Variants in NCOR2 observed in about 807,000 individuals in gnomAD.
NCOR2 encodes nuclear receptor corepressor 2, also known as CTG repeat protein 26.
Under a neutral mutation model 262.9 loss-of-function variants are expected in NCOR2, and 81 were observed. That is an observed-to-expected ratio of 0.31 (90% CI 0.26 to 0.37). The LOEUF (loss-of-function observed/expected upper bound fraction) is 0.37, where lower values mean the gene tolerates loss of function less well. Ranked by LOEUF, NCOR2 falls within the 10% of genes least tolerant of loss-of-function variation. The pLI is 1.00. For synonymous variants in NCOR2, 1,659 were observed against 1,559.3 expected (o/e 1.06, Z -1.51); for missense variants, 3,385 against 3,621.4 (o/e 0.93, Z 1.68).
chr12:124,487,996 C>T (rs918287444), intron 1 of NCOR2, among the ~76,000 whole-genome samples: 3 of 151,994 alleles, frequency 2.0e-5, no homozygotes, highest in African/African-American at 2.4e-5. Context: ...AGGCTGTTTG[C>T]GGCAATCAGT....
chr12:124,437,636 G>A (rs956013671), intron 8 of NCOR2, among the ~76,000 whole-genome samples: 1 of 152,168 alleles, frequency 6.6e-6, no homozygotes, highest in African/African-American at 2.4e-5. Flanking sequence ...CCCAGGACAG[G>A]TCCCGTGACC....
chr12:124,446,023 T>A (rs2045145607), intron 7 of NCOR2, among the ~76,000 whole-genome samples: 1 of 152,228 alleles, frequency 6.6e-6, no homozygotes, highest in Non-Finnish European at 1.5e-5. Flanking sequence ...TCCAGCCACA[T>A]GGTGGGACGG....
At chr12:124,547,549 T>C (rs1215726905) in intron 1 of NCOR2, among the ~76,000 whole-genome samples, 1 of 152,214 alleles carries the variant, frequency 6.6e-6, no homozygotes, top group African/African-American at 2.4e-5. Flanking sequence ...CACTATAAAG[T>C]AGGCAGCTCT....
intron 1 of NCOR2, among the ~76,000 whole-genome samples, chr12:124,554,038 C>T (rs946873975): frequency 6.6e-6 from 1 of 152,218 alleles, no homozygotes; most frequent in Non-Finnish European, 1.5e-5. Flanking sequence ...TCACAAACCC[C>T]CACTCAGGAG....
intron 44 of NCOR2, 146 bp from the exon 47 acceptor site, chr12:124,327,779 G>C: frequency 1.6e-6 from 1 of 622,992 alleles, no homozygotes; most frequent in East Asian, 2.8e-5. Context: ...GCACATTTCG[G>C]CAAAGCAACA....
Position 124,364,109 on chromosome 12 carries a change from G to T in NCOR2, c.2808-310C>A, listed in dbSNP as rs138205889. 1.4e-4 allele frequency among the ~76,000 whole-genome samples: 22 copies of T among 152,298 alleles called. No individual in the cohort carries two copies. The East Asian group carries it at 3.7e-3, about 25-fold the overall frequency. ...TCCCACCCCAGCCTAGAGGCCAGCCGGGCAGTGCTAGAGGCCCAGGCTGGG... is the reference window on the plus strand; with the variant it reads ...TCCCACCCCAGCCTAGAGGCCAGCCTGGCAGTGCTAGAGGCCCAGGCTGGG... On this transcript the variant is annotated intron_variant, in intron 20 of 46. Transcript: ENST00000405201.
chr12:124,346,541 G>A (rs770686143), intron 31 of NCOR2, 23 bp downstream of exon 33: 48 of 1,494,494 alleles, frequency 3.2e-5, no homozygotes, highest in Middle Eastern at 2.4e-4. Flanking sequence ...AACTGGGCCC[G>A]TGTGCCTGGC....
chr12:124,439,317 AGAGACAGAGG>A (rs1565945622), intron 7 of NCOR2, among the ~76,000 whole-genome samples: 5,746 of 80,840 alleles, frequency 0.071, 1 homozygote, highest in Admixed American at 0.1. Flanking sequence ...ACAGAGACCC[AGAGACAGAGG>A]GAGAGACAGA....
At position 124,344,735 on chromosome 12, in the gene NCOR2, C is replaced by T. The variant is rs988342697; in HGVS notation, c.4576G>A (p.Ala1526Thr). Residue 1526 changes from alanine (A) to threonine (T), a missense_variant, in exon 32 of 47, where the codon GCC becomes ACC. By Grantham distance (58) the Ala-to-Thr change is moderately conservative. Coordinates refer to ENST00000405201, the Ensembl canonical transcript of NCOR2. ...CCCAGCTCAGGCACAATGACCGGGG[C>T]GCCGCGCGCAATGGAGCCCCCCGAG... 80 of 1,543,752 alleles carry T rather than the reference C, an allele frequency of 5.2e-5. No homozygotes were observed. The highest frequency in any genetic ancestry group is 2.2e-4 in the Admixed American group (11 of 50,846).
At chr12:124,343,844 T>G (rs1286568477) in intron 32 of NCOR2, among the ~76,000 whole-genome samples, 1 of 152,126 alleles carries the variant, frequency 6.6e-6, no homozygotes, top group Non-Finnish European at 1.5e-5. Flanking sequence ...ACCAGGCTGG[T>G]CTTGAACTCC....
chr12:124,382,409 C>T (rs570517418), intron 17 of NCOR2, among the ~76,000 whole-genome samples: 32 of 152,302 alleles, frequency 2.1e-4, no homozygotes, highest in African/African-American at 7.5e-4. Context: ...ACCCCACACT[C>T]CCAAATCACT....
chr12:124,356,832 G>C, intron 22 of NCOR2, 50 bp from the exon 25 acceptor site: 2 of 1,428,190 alleles, frequency 1.4e-6, no homozygotes, highest in Non-Finnish European at 1.8e-6. Context: ...GGGGCAGTCA[G>C]ACCTCGGGAG....
intron 9 of NCOR2, among the ~76,000 whole-genome samples, chr12:124,430,394 T>C (rs1244095): frequency 1 from 151,803 of 152,338 alleles, 75,641 homozygotes; most frequent in East Asian, 1. Flanking sequence ...CTATGGCACA[T>C]GGGAAGAAGT....
intron 20 of NCOR2, among the ~76,000 whole-genome samples, chr12:124,371,545 C>T (rs1032750689): frequency 3.9e-5 from 6 of 152,212 alleles, no homozygotes; most frequent in Non-Finnish European, 7.3e-5. Flanking sequence ...GAGCCAAAGA[C>T]GGAGTGGCAT....
At position 124,509,114 on chromosome 12, in the gene NCOR2, C is replaced by G. The variant is rs1198926204; in HGVS notation, c.-117-13746G>C. On this transcript the variant is annotated intron_variant, in intron 1 of 46. Transcript: ENST00000404621. The stretch of plus-strand genomic sequence containing the variant: ...GCAAGACACAGTGTCTCTGCCCACC[C>G]GGCCCCACTCCGTGCATGCCACACC... 3.9e-5 allele frequency among the ~76,000 whole-genome samples: 6 copies of G among 152,218 alleles called. 1 individual carries two copies. The South Asian group carries it at 1.2e-3, about 32-fold the overall frequency.
At chr12:124,426,042 G>C (rs1593481375) in intron 11 of NCOR2, among the ~76,000 whole-genome samples, 5 of 152,220 alleles carry the variant, frequency 3.3e-5, no homozygotes, top group Admixed American at 3.3e-4. Context: ...CTGCCGCCCT[G>C]CCCAAGGCTG....
At chr12:124,409,160 G>A (rs2042432725) in intron 13 of NCOR2, among the ~76,000 whole-genome samples, 1 of 152,226 alleles carries the variant, frequency 6.6e-6, no homozygotes, top group African/African-American at 2.4e-5. Context: ...GATGTGTGCT[G>A]TGCCAGCCGA....
rs1271075120 is a variant in NCOR2 at position 124,504,530 on chromosome 12, G to C, written c.-117-9162C>G. ...CCATGACCCAGCGATGCCACTCCTA[G>C]CTACACATCCCCAAGGAACGGAAAA... On this transcript the variant is annotated intron_variant, in intron 1 of 46. Transcript: ENST00000404621. This position sits in a 1 kb window ranked among gnomAD's most constrained non-coding sequence, Gnocchi z 4.5. 1.3e-5 allele frequency among the ~76,000 whole-genome samples: 2 copies of C among 152,158 alleles called. No homozygotes were observed.
intron 8 of NCOR2, among the ~76,000 whole-genome samples, chr12:124,433,314 T>C (rs775192752): frequency 7.2e-4 from 110 of 152,332 alleles, no homozygotes; most frequent in Non-Finnish European, 1.2e-3. Context: ...AACCAGCCCA[T>C]GCCACCTCGG....
Sources: allele counts gnomAD v4.1 joint callset (sites outside exome capture counted in the v4.1 genomes callset), GRCh38; gene constraint gnomAD v4.1.1; non-coding constraint Gnocchi (gnomAD v3.1); transcripts MANE v1.5; gene names NCBI Gene and HGNC (gene_info 2026-07-23, HGNC 2026-07-21).